The following PCDH15 variants were observed in gnomAD, a reference collection of about 807,000 sequenced individuals.
The protein encoded by PCDH15 is protocadherin related 15.
Under a neutral mutation model 178.5 loss-of-function variants are expected in PCDH15, and 129 were observed. That is an observed-to-expected ratio of 0.72 (90% CI 0.63 to 0.84). The LOEUF (loss-of-function observed/expected upper bound fraction) is 0.84. Ranked by LOEUF, PCDH15 falls within the 40% of genes least tolerant of loss-of-function variation. PCDH15 has a pLI of 0.00. For missense variants in PCDH15, 2,230 were observed against 2,099.9 expected, an observed-to-expected ratio of 1.06 and a Z score of -1.21; for synonymous variants, 800 against 732.0, an observed-to-expected ratio of 1.09 and a Z score of -1.50.
Position 55,220,846 on chromosome 10 carries a change from C to T in PCDH15, c.-155-54195G>A, listed in dbSNP as rs149887786. Reference sequence around the variant, plus strand: ...GTTAGGTAATTAGGTACACATTTTCCATTCAGTGTTTTTTTGTTTTTTGTT... The same window carrying T: ...GTTAGGTAATTAGGTACACATTTTCTATTCAGTGTTTTTTTGTTTTTTGTT... On this transcript the variant is annotated intron_variant, in intron 1 of 5. Transcript: ENST00000458638. Among the ~76,000 whole-genome samples the T allele has an allele frequency of 1.8e-3, 275 of 151,984 alleles. 8 individuals carry two copies. The East Asian group carries it at 0.027, about 15-fold the overall frequency.
chr10:54,756,041 C>T (rs952661642), intron 1 of PCDH15, among the ~76,000 whole-genome samples: 5 of 123,032 alleles, frequency 4.1e-5, no homozygotes, highest in African/African-American at 6.2e-5. Context: ...TGGTGAAACC[C>T]CCGTCTCTAC....
At chr10:55,347,416 C>T (rs1182498812) in intron 2 of PCDH15, among the ~76,000 whole-genome samples, 1 of 152,004 alleles carries the variant, frequency 6.6e-6, no homozygotes, top group East Asian at 1.9e-4. Context: ...ATTAAAGCCT[C>T]CTGAAACACA....
chr10:55,193,857 T>G (rs1840009024), intron 1 of PCDH15, among the ~76,000 whole-genome samples: 1 of 151,818 alleles, frequency 6.6e-6, no homozygotes, highest in Non-Finnish European at 1.5e-5. Flanking sequence ...ATATTGAGAG[T>G]AGTGTTGCAG....
chr10:55,580,514 T>C (rs552037337), intron 2 of PCDH15, among the ~76,000 whole-genome samples: 43 of 152,070 alleles, frequency 2.8e-4, no homozygotes, highest in African/African-American at 1.0e-3. Flanking sequence ...CCCACCACCA[T>C]GCACAGCTAA....
chr10:55,529,747 A>AT (rs932891852), intron 2 of PCDH15, among the ~76,000 whole-genome samples: 2 of 114,588 alleles, frequency 1.7e-5, no homozygotes, highest in Non-Finnish European at 3.4e-5. Flanking sequence ...GTGAGTATAT[A>AT]TATATATATA....
At chr10:55,176,218 T>C (rs1394431843) in intron 1 of PCDH15, among the ~76,000 whole-genome samples, 1 of 152,026 alleles carries the variant, frequency 6.6e-6, no homozygotes, top group Non-Finnish European at 1.5e-5. Flanking sequence ...CCATGAGGGG[T>C]GTCTCAGGAC....
intron 1 of PCDH15, among the ~76,000 whole-genome samples, chr10:55,304,803 C>T (rs777849261): frequency 6.6e-6 from 1 of 152,082 alleles, no homozygotes; most frequent in South Asian, 2.1e-4. Flanking sequence ...GCCAGAGTAC[C>T]AACCTGCTTG....
intron 1 of PCDH15, among the ~76,000 whole-genome samples, chr10:54,738,795 A>G (rs923429685): frequency 1.3e-5 from 2 of 152,116 alleles, no homozygotes; most frequent in Admixed American, 6.6e-5. Flanking sequence ...TGATCATTTC[A>G]ATAGATGCTG....
chr10:55,584,972 G>A (rs992001965), intron 2 of PCDH15, among the ~76,000 whole-genome samples: 1 of 150,878 alleles, frequency 6.6e-6, no homozygotes, highest in Admixed American at 6.6e-5. Flanking sequence ...TCATTAATTT[G>A]TTAAGTAAAC....
chr10:54,090,643 CAAAAA>C (rs34617225), intron 15 of PCDH15, among the ~76,000 whole-genome samples: 7 of 118,098 alleles, frequency 5.9e-5, no homozygotes, highest in African/African-American at 1.5e-4. Flanking sequence ...GATCTTGTCT[CAAAAA>C]AAAAAAAAAA....
intron 2 of PCDH15, among the ~76,000 whole-genome samples, chr10:54,963,310 T>C (rs2131886283): frequency 6.6e-6 from 1 of 150,852 alleles, no homozygotes; most frequent in African/African-American, 2.4e-5. Flanking sequence ...AAGGATAGAA[T>C]ATCTGCTTAA....
chr10:54,197,825 ATTAT>A (rs953796360), intron 10 of PCDH15, among the ~76,000 whole-genome samples: 3 of 152,178 alleles, frequency 2.0e-5, no homozygotes, highest in Non-Finnish European at 4.4e-5. Context: ...TTGTTGAAAT[ATTAT>A]TTATGTCAAT....
intron 2 of PCDH15, among the ~76,000 whole-genome samples, chr10:55,087,218 T>A (rs1842194533): frequency 6.6e-6 from 1 of 152,146 alleles, no homozygotes; most frequent in African/African-American, 2.4e-5. Flanking sequence ...AATGGAAGAA[T>A]ATTTAGTCAA....
chr10:54,421,662 G>GTGTATATATATATA (rs1554963405), intron 3 of PCDH15, among the ~76,000 whole-genome samples: 1 of 70,976 alleles, frequency 1.4e-5, no homozygotes, highest in African/African-American at 6.5e-5. Context: ...CATGTGTAGT[G>GTGTATATATATATA]TATATATACA....
chr10:54,193,990 A>G (rs915039657), intron 11 of PCDH15, among the ~76,000 whole-genome samples: 1 of 151,802 alleles, frequency 6.6e-6, no homozygotes, highest in African/African-American at 2.4e-5. Context: ...ACATGTACTG[A>G]GAACTCAATG....
rs529359520 is a variant in PCDH15 at position 55,203,406 on chromosome 10, C to T, written c.-155-36755G>A. ...TATATATTTAATCCTCACAATAATG[C>T]TACGTGGAGAGTCCTATTATTACCC... is the stretch of plus-strand genomic sequence containing the variant. On this transcript the variant is annotated intron_variant, in intron 1 of 5. Coordinates refer to the PCDH15 transcript ENST00000458638. Among the ~76,000 whole-genome samples, 266 of 151,982 alleles carry T rather than the reference C, an allele frequency of 1.8e-3. 3 individuals are homozygous for T. Among genetic ancestry groups the T allele is most frequent in the African/African-American group, 6.3e-3 (260 of 41,380 alleles).
At chr10:55,533,276 C>T (rs906551092) in intron 2 of PCDH15, among the ~76,000 whole-genome samples, 4 of 152,032 alleles carry the variant, frequency 2.6e-5, no homozygotes, top group Non-Finnish European at 5.9e-5. Context: ...AGAAAGTTCT[C>T]TTCTCAAGTC....
intron 1 of PCDH15, among the ~76,000 whole-genome samples, chr10:54,666,937 T>C (rs1565894606): frequency 6.6e-6 from 1 of 152,018 alleles, no homozygotes. Flanking sequence ...ACATGATGGA[T>C]CATTATTTTA....
chr10:55,547,581 T>TA (rs59400337), intron 2 of PCDH15, among the ~76,000 whole-genome samples: 13,341 of 151,518 alleles, frequency 0.088, 730 homozygotes, highest in Middle Eastern at 0.15. Flanking sequence ...ATGGCTAAAG[T>TA]AAAAAAAACA....
Sources: gnomAD v4.1 joint callset for allele counts (sites outside exome capture counted in the v4.1 genomes callset) on GRCh38, gnomAD v4.1.1 for gene constraint, MANE v1.5 for transcripts, NCBI Gene and HGNC (gene_info 2026-07-23, HGNC 2026-07-21) for gene names.